The following TRIM5 variants were observed in gnomAD, a reference collection of about 807,000 sequenced individuals.
TRIM5 encodes the protein tripartite motif containing 5.
A neutral mutation model predicts 35.6 loss-of-function variants in TRIM5; 31 were observed. The ratio of observed to expected loss-of-function variants is 0.87; its 90% confidence interval spans 0.65 to 1.18. TRIM5 has a LOEUF of 1.18. Among genes scored for constraint, TRIM5 ranks in the 50% most tolerant of loss-of-function variants. The pLI is 0.00. For synonymous variants in TRIM5, 243 were observed against 215.6 expected (o/e 1.13, Z -1.11); for missense variants, 609 against 591.6 (o/e 1.03, Z -0.31).
In TRIM5 at chr11:5,670,460, C is replaced by T. The variant is rs546263066; in HGVS notation, c.745-2749G>A. Among the ~76,000 whole-genome samples the T allele has an allele frequency of 1.9e-3, 289 of 151,984 alleles. 2 individuals are homozygous for T. Among genetic ancestry groups the T allele is most frequent in the African/African-American group, 6.4e-3 (267 of 41,462 alleles). On this transcript the variant is annotated intron_variant, in intron 4 of 7. Transcript: ENST00000380034. Reference sequence around the variant, plus strand: ...CTAGGATTACAGGCATGAGCCACTGCGCCCAGCCCAGATGCCCATCTTAAA... The same window carrying T: ...CTAGGATTACAGGCATGAGCCACTGTGCCCAGCCCAGATGCCCATCTTAAA...
At chr11:5,681,586 G>A (rs368293962) in intron 1 of TRIM5, among the ~76,000 whole-genome samples, 7 of 152,054 alleles carry the variant, frequency 4.6e-5, no homozygotes, top group Non-Finnish European at 7.4e-5. Context: ...TAAGGTTTGC[G>A]GAGTTCCTTC....
chr11:5,653,458 T>C, the TRIM5 span, among the ~76,000 whole-genome samples: 1 of 152,078 alleles, frequency 6.6e-6, no homozygotes, highest in East Asian at 1.9e-4. Flanking sequence ...ATTTCCAAAA[T>C]GGCAAACTGT....
chr11:5,675,269 A>G (rs1371549420), intron 4 of TRIM5, among the ~76,000 whole-genome samples: 1 of 151,956 alleles, frequency 6.6e-6, no homozygotes, highest in Non-Finnish European at 1.5e-5. Context: ...TTCAAAATTT[A>G]TTAAACATTT....
At chr11:5,647,626 A>T in the TRIM5 span, among the ~76,000 whole-genome samples, 1 of 152,234 alleles carries the variant, frequency 6.6e-6, no homozygotes, top group East Asian at 1.9e-4. Context: ...GGGTTCAAGC[A>T]GTTCTCCTGC....
At chr11:5,611,203 C>T in the TRIM5 span, 9 of 1,614,144 alleles carry the variant, frequency 5.6e-6, no homozygotes, top group South Asian at 9.9e-5. Flanking sequence ...GAGGCTGGTA[C>T]TGTCTCCTTT....
At chr11:5,599,246 T>C in the TRIM5 span, among the ~76,000 whole-genome samples, 117 of 152,342 alleles carry the variant, frequency 7.7e-4, no homozygotes, top group African/African-American at 2.7e-3. Flanking sequence ...ATTGCATTTA[T>C]GAGGCAGTAG....
At chr11:5,675,859 A>C (rs1347916831) in intron 4 of TRIM5, among the ~76,000 whole-genome samples, 5 of 34,780 alleles carry the variant, frequency 1.4e-4, no homozygotes, top group South Asian at 1.8e-3. Context: ...CCCTCCCCCC[A>C]CCCCACCATA....
At chr11:5,662,539 A>G (rs1411710343), downstream of TRIM5, among the ~76,000 whole-genome samples, 2 of 152,200 alleles carry the variant, frequency 1.3e-5, no homozygotes, top group Non-Finnish European at 2.9e-5. Flanking sequence ...TATCTGCATC[A>G]CTGTGCAAAA....
the TRIM5 span, chr11:5,596,645 T>C: frequency 2.2e-6 from 1 of 452,082 alleles, no homozygotes. Context: ...CCAGAAGGAG[T>C]TGGGAGATGA....
At chr11:5,599,508 A>G in the TRIM5 span, among the ~76,000 whole-genome samples, 5 of 152,022 alleles carry the variant, frequency 3.3e-5, no homozygotes, top group Non-Finnish European at 4.4e-5. Context: ...GGTTCACGCC[A>G]TTCTCCTGCC....
rs1852216064 is a variant in TRIM5 at position 5,679,069 on chromosome 11, C to A, written c.513+5G>T. 6.2e-7 allele frequency: 1 copy of A among 1,613,450 alleles called. No homozygotes were observed. The highest frequency in any genetic ancestry group is 8.5e-7 in the Non-Finnish European group (1 of 1,179,552). ...CTAACTCCTTCGGGAACCACATCCTCTTGCCTTCCAGGAAGCTTTCTCTTC... is the reference window on the plus strand; with the variant it reads ...CTAACTCCTTCGGGAACCACATCCTATTGCCTTCCAGGAAGCTTTCTCTTC... On this transcript the variant is annotated splice_donor_5th_base_variant and intron_variant, in intron 3 of 7. Transcript: ENST00000380034.
At chr11:5,639,679 CAAAAAAAAAAAAAAAA>C in the TRIM5 span, among the ~76,000 whole-genome samples, 19 of 51,132 alleles carry the variant, frequency 3.7e-4, 1 homozygote, top group Non-Finnish European at 5.5e-4. Context: ...GACTCTATTT[CAAAAAAAAAAAAAAAA>C]AAAAAAAAAA....
chr11:5,596,751 A>G, the TRIM5 span: 2 of 1,246,640 alleles, frequency 1.6e-6, no homozygotes, highest in African/African-American at 1.5e-5. Context: ...GGAACGGAGC[A>G]GAGTCGTGCG....
chr11:5,682,973 T>C (rs1177249930), intron 1 of TRIM5, among the ~76,000 whole-genome samples: 1 of 152,186 alleles, frequency 6.6e-6, no homozygotes, highest in East Asian at 1.9e-4. Context: ...GAACCGGGGC[T>C]GCGCGCCGCG....
At chr11:5,609,439 G>C in the TRIM5 span, among the ~76,000 whole-genome samples, 2 of 152,178 alleles carry the variant, frequency 1.3e-5, no homozygotes, top group South Asian at 4.2e-4. Context: ...ATAGGCCCCT[G>C]GTGTTCTGCC....
the TRIM5 span, chr11:5,634,530 C>CACACACACACACACACATAT: frequency 4.9e-4 from 129 of 262,002 alleles, 1 homozygote; most frequent in African/African-American, 4.0e-3. Context: ...CACACACACA[C>CACACACACACACACACATAT]ATATATATAT....
chr11:5,595,445 G>T, the TRIM5 span: 2 of 152,218 alleles, frequency 1.3e-5, no homozygotes, highest in Admixed American at 1.3e-4. Context: ...ATTTTAAACT[G>T]ATGAATTTTA....
chr11:5,603,668 G>C, the TRIM5 span: 1 of 1,613,436 alleles, frequency 6.2e-7, no homozygotes, highest in South Asian at 1.1e-5. Context: ...TGCTGGCTTT[G>C]TGAGCGGTCT....
chr11:5,596,522 C>CCCCCCTTCCCCCGTTCTCCCCTT, the TRIM5 span: 2 of 29,278 alleles, frequency 6.8e-5, no homozygotes, highest in African/African-American at 2.1e-4. Context: ...TTCTCCCCTT[C>CCCCCCTTCCCCCGTTCTCCCCTT]CCCCCTTCCC....
Sources: gnomAD v4.1 joint callset for allele counts (sites outside exome capture counted in the v4.1 genomes callset) on GRCh38, gnomAD v4.1.1 for gene constraint, MANE v1.5 for transcripts, NCBI Gene and HGNC (gene_info 2026-07-23, HGNC 2026-07-21) for gene names.